SORBS2: variants seen among roughly 807,000 people sequenced by gnomAD.
SORBS2 encodes the protein sorbin and SH3 domain containing 2.
In SORBS2, 46 loss-of-function variants were observed where a neutral mutation model predicts 97.7. The observed-to-expected ratio is 0.47, with a 90% CI of 0.37 to 0.60. The LOEUF is 0.60. Among genes scored for constraint, SORBS2 ranks in the 20% least tolerant of loss-of-function variants. SORBS2 has a pLI of 0.00. For missense variants in SORBS2, 1,316 were observed against 1,282.3 expected (o/e 1.03, Z -0.40); for synonymous variants, 476 against 473.4 (o/e 1.01, Z -0.07).
chr4:185,589,650 G>T, intron 14 of SORBS2, 29 bp downstream of exon 26: 1 of 1,342,978 alleles, frequency 7.4e-7, no homozygotes, highest in Non-Finnish European at 1.1e-6. Flanking sequence ...CAAAATAGCC[G>T]AAGGTGCCTG....
chr4:185,836,483 A>G (rs1561220851), intron 1 of SORBS2, among the ~76,000 whole-genome samples: 2 of 152,366 alleles, frequency 1.3e-5, no homozygotes. Flanking sequence ...AGCAATTTAA[A>G]TAACAACAAA....
At chr4:185,757,092 G>A (rs1257782174) in intron 2 of SORBS2, 17 of 591,566 alleles carry the variant, frequency 2.9e-5, no homozygotes, top group Non-Finnish European at 4.2e-5. Context: ...TTTTCCTGTC[G>A]AACTGCGTGG....
At chr4:185,630,576 A>T in exon 5 of SORBS2, 1 of 1,601,068 alleles carries the variant, frequency 6.2e-7, no homozygotes. Context: ...GCTTCTGTCT[A>T]TAGAGGACTG....
At chr4:185,648,486 A>T (rs2097254424) in intron 3 of SORBS2, among the ~76,000 whole-genome samples, 2 of 143,544 alleles carry the variant, frequency 1.4e-5, no homozygotes, top group African/African-American at 2.5e-5. Context: ...GACTCCATTT[A>T]AAAAAAAAAA....
rs180867972 is a variant in SORBS2, at chr4:185,798,786, C to T, written c.-337-23420G>A. ...CTGCTACCCAGAACAGCACTGCTCACTGCCTACCAGTGTTTCCAGCAAAGA... is the reference window on the plus strand; with the variant it reads ...CTGCTACCCAGAACAGCACTGCTCATTGCCTACCAGTGTTTCCAGCAAAGA... On this transcript the variant is annotated intron_variant, in intron 1 of 20. Transcript: ENST00000284776. Among the ~76,000 whole-genome samples, 153 of 152,336 alleles carry T rather than the reference C, an allele frequency of 1.0e-3. 1 individual carries two copies. The highest frequency in any genetic ancestry group is 3.3e-3 in the African/African-American group (137 of 41,580).
chr4:185,834,551 G>C (rs2099206937), intron 1 of SORBS2, among the ~76,000 whole-genome samples: 1 of 152,038 alleles, frequency 6.6e-6, no homozygotes, highest in Admixed American at 6.5e-5. Flanking sequence ...AATGTAATCA[G>C]TGCTCCACGT....
At chr4:185,823,093 G>C (rs151302263) in intron 1 of SORBS2, among the ~76,000 whole-genome samples, 2 of 152,154 alleles carry the variant, frequency 1.3e-5, no homozygotes, top group Non-Finnish European at 2.9e-5. Context: ...AGAGGAATAC[G>C]TACTGACTCT....
intron 1 of SORBS2, among the ~76,000 whole-genome samples, chr4:185,868,252 G>T (rs1455367539): frequency 6.9e-6 from 1 of 145,358 alleles, no homozygotes; most frequent in Admixed American, 7.1e-5. Flanking sequence ...CGCCTCCCGG[G>T]TTCAAGCGAT....
chr4:185,879,955 C>T (rs964946302), intron 1 of SORBS2, among the ~76,000 whole-genome samples: 1 of 152,118 alleles, frequency 6.6e-6, no homozygotes, highest in African/African-American at 2.4e-5. Context: ...TTCCGGGACA[C>T]GGCAGTTGTG....
intron 1 of SORBS2, among the ~76,000 whole-genome samples, chr4:185,925,593 A>T (rs879532358): frequency 2.0e-5 from 3 of 152,218 alleles, no homozygotes; most frequent in Admixed American, 2.0e-4. Flanking sequence ...ATTTAAAAAG[A>T]TACATTTTGG....
intron 1 of SORBS2, among the ~76,000 whole-genome samples, chr4:185,779,613 A>G (rs1392419183): frequency 2.0e-5 from 3 of 152,114 alleles, no homozygotes; most frequent in African/African-American, 7.2e-5. Flanking sequence ...ATCGCTTCCT[A>G]TTATTTGAGA....
At chr4:185,905,645 C>A (rs1484168457) in intron 1 of SORBS2, among the ~76,000 whole-genome samples, 1 of 152,070 alleles carries the variant, frequency 6.6e-6, no homozygotes, top group South Asian at 2.1e-4. Context: ...ATATGTTTTT[C>A]TACAGGTGCG....
intron 2 of SORBS2, among the ~76,000 whole-genome samples, chr4:185,756,383 AAGG>A (rs2098830933): frequency 1.1e-5 from 1 of 92,350 alleles, no homozygotes; most frequent in Non-Finnish European, 3.1e-5. Context: ...TCAATTTGAT[AAGG>A]AGAATATTTC....
intron 2 of SORBS2, among the ~76,000 whole-genome samples, chr4:185,724,999 A>G (rs1455332405): frequency 6.6e-6 from 1 of 151,980 alleles, no homozygotes; most frequent in East Asian, 1.9e-4. Flanking sequence ...AGCACCTTGC[A>G]TATCTTTCAT....
At chr4:185,924,870 CA>C (rs527511705) in intron 1 of SORBS2, among the ~76,000 whole-genome samples, 229 of 152,272 alleles carry the variant, frequency 1.5e-3, no homozygotes, top group African/African-American at 5.3e-3. Context: ...CTTTTCGCTC[CA>C]TGAAACCACT....
intron 11 of SORBS2, among the ~76,000 whole-genome samples, chr4:185,613,769 C>G (rs187853744): frequency 1.3e-5 from 2 of 152,012 alleles, no homozygotes; most frequent in East Asian, 3.9e-4. Flanking sequence ...ATTGGTGAAG[C>G]CTTTCTGTAG....
At chr4:185,906,880 C>T (rs1286336233) in intron 1 of SORBS2, among the ~76,000 whole-genome samples, 1 of 152,142 alleles carries the variant, frequency 6.6e-6, no homozygotes, top group African/African-American at 2.4e-5. Context: ...AATCCCAGCA[C>T]TTTGGGAGGC....
chr4:185,700,507 A>G (rs112281237), intron 2 of SORBS2, among the ~76,000 whole-genome samples: 2,173 of 152,260 alleles, frequency 0.014, 20 homozygotes, highest in Middle Eastern at 0.041. Flanking sequence ...CCTTAGGGTT[A>G]ATGCTCTTAA....
chr4:185,678,650 T>C (rs1471693536), intron 3 of SORBS2, 103 bp from the exon 7 acceptor site: 1 of 1,336,544 alleles, frequency 7.5e-7, no homozygotes, highest in East Asian at 2.6e-5. Flanking sequence ...ATTTCCAAAA[T>C]TGTAGTGTTC....
Sources: allele counts gnomAD v4.1 joint callset (sites outside exome capture counted in the v4.1 genomes callset), GRCh38; gene constraint gnomAD v4.1.1; transcripts MANE v1.5; gene names NCBI Gene and HGNC (gene_info 2026-07-23, HGNC 2026-07-21).